NAALADL2: variants seen among roughly 807,000 people sequenced by gnomAD.
NAALADL2 encodes the protein N-acetylated alpha-linked acidic dipeptidase like 2.
In NAALADL2, 76 loss-of-function variants were observed where a neutral mutation model predicts 87.2. The ratio of observed to expected loss-of-function variants is 0.87; its 90% CI spans 0.72 to 1.05. NAALADL2 has a LOEUF of 1.05. Ranked by LOEUF, NAALADL2 falls within the 50% of genes least tolerant of loss-of-function variation. The pLI is 0.00. For missense variants in NAALADL2, 1,089 were observed against 945.8 expected, an observed-to-expected ratio of 1.15 and a Z score of -1.99; for synonymous variants, 354 against 331.0, an observed-to-expected ratio of 1.07 and a Z score of -0.75.
At chr3:174,816,420 G>C (rs1164354734) in intron 3 of NAALADL2, among the ~76,000 whole-genome samples, 1 of 150,560 alleles carries the variant, frequency 6.6e-6, no homozygotes. Context: ...GTGCGTGTGT[G>C]TGTGTGTGTG....
intron 4 of NAALADL2, among the ~76,000 whole-genome samples, chr3:175,318,228 G>A (rs566698192): frequency 6.6e-6 from 1 of 152,000 alleles, no homozygotes; most frequent in East Asian, 1.9e-4. Context: ...GTACTGATAA[G>A]CAAATGAAAA....
chr3:175,133,206 C>T (rs7622462), intron 2 of NAALADL2, among the ~76,000 whole-genome samples: 72,683 of 149,428 alleles, frequency 0.49, 17,691 homozygotes, highest in East Asian at 0.63. Flanking sequence ...GATGGGATGG[C>T]GGCCGGGCAG....
chr3:175,636,367 T>C (rs1192614689), intron 11 of NAALADL2, among the ~76,000 whole-genome samples: 2 of 152,156 alleles, frequency 1.3e-5, no homozygotes, highest in Non-Finnish European at 2.9e-5. Context: ...TCATCAGTTA[T>C]ACCTTTTACC....
chr3:175,425,781 G>C (rs1462472785), intron 5 of NAALADL2, among the ~76,000 whole-genome samples: 1 of 152,076 alleles, frequency 6.6e-6, no homozygotes, highest in Non-Finnish European at 1.5e-5. Context: ...GAAAGACCTA[G>C]GATCATCTGT....
At chr3:175,462,345 G>C (rs1723273507) in intron 6 of NAALADL2, among the ~76,000 whole-genome samples, 1 of 152,082 alleles carries the variant, frequency 6.6e-6, no homozygotes, top group African/African-American at 2.4e-5. Flanking sequence ...AGATAGATAA[G>C]GCACTCAGGC....
At chr3:174,997,058 A>ATTT (rs200338062) in intron 1 of NAALADL2, among the ~76,000 whole-genome samples, 8 of 125,974 alleles carry the variant, frequency 6.4e-5, no homozygotes, top group African/African-American at 9.5e-5. Context: ...ATATATATAT[A>ATTT]TTTTTTTTTT....
chr3:174,468,723 C>T, intron 1 of NAALADL2, among the ~76,000 whole-genome samples: 1 of 149,052 alleles, frequency 6.7e-6, no homozygotes, highest in Admixed American at 6.7e-5. Context: ...CCAGATTTAC[C>T]TCTTCCCTGA....
intron 1 of NAALADL2, among the ~76,000 whole-genome samples, chr3:174,921,846 ATCT>A (rs1439110665): frequency 7.1e-6 from 1 of 140,758 alleles, no homozygotes; most frequent in Non-Finnish European, 1.5e-5. Flanking sequence ...AAAGAAAAAA[ATCT>A]TCTTAGTATT....
At chr3:174,448,831 T>C (rs1715258791) in intron 1 of NAALADL2, among the ~76,000 whole-genome samples, 1 of 152,184 alleles carries the variant, frequency 6.6e-6, no homozygotes, top group East Asian at 1.9e-4. Context: ...TGGTGTCTTA[T>C]TGCCCAGATG....
intron 9 of NAALADL2, among the ~76,000 whole-genome samples, chr3:175,557,154 A>G (rs1715413094): frequency 6.6e-6 from 1 of 152,256 alleles, no homozygotes; most frequent in Non-Finnish European, 1.5e-5. Flanking sequence ...TCTGCTGTAA[A>G]TAACTCCTAT....
At chr3:175,442,987 A>T (rs1443525855) in intron 5 of NAALADL2, among the ~76,000 whole-genome samples, 3 of 152,162 alleles carry the variant, frequency 2.0e-5, no homozygotes, top group African/African-American at 4.8e-5. Context: ...CACTGAATAA[A>T]AATAGTACAT....
chr3:175,575,570 C>T (rs1718749246), intron 9 of NAALADL2, among the ~76,000 whole-genome samples: 1 of 152,094 alleles, frequency 6.6e-6, no homozygotes, highest in African/African-American at 2.4e-5. Flanking sequence ...CAGGGGTGAG[C>T]CACCACGCCC....
intron 1 of NAALADL2, among the ~76,000 whole-genome samples, chr3:174,515,232 G>A (rs943236588): frequency 1.3e-5 from 2 of 152,046 alleles, no homozygotes; most frequent in Admixed American, 6.6e-5. Flanking sequence ...TTTCTATTGG[G>A]CTCATACTTT....
At chr3:174,451,540 TA>T (rs1375596752) in intron 1 of NAALADL2, among the ~76,000 whole-genome samples, 2 of 152,112 alleles carry the variant, frequency 1.3e-5, no homozygotes, top group Non-Finnish European at 2.9e-5. Context: ...ATTTTTATAA[TA>T]AAAAACACCC....
chr3:175,491,143 T>C (rs1237942658), intron 9 of NAALADL2, among the ~76,000 whole-genome samples: 5 of 144,262 alleles, frequency 3.5e-5, no homozygotes, highest in Non-Finnish European at 7.7e-5. Context: ...TTCTTTCTTT[T>C]TTTTTTTCTG....
At chr3:175,151,342 A>G (rs772114517) in intron 2 of NAALADL2, among the ~76,000 whole-genome samples, 1 of 152,176 alleles carries the variant, frequency 6.6e-6, no homozygotes, top group African/African-American at 2.4e-5. Context: ...GGCCTACCTT[A>G]GGCACTCGTG....
At chr3:175,465,177 G>T (rs1312515741) in intron 7 of NAALADL2, among the ~76,000 whole-genome samples, 2 of 151,490 alleles carry the variant, frequency 1.3e-5, no homozygotes. Context: ...GCGTGAACCC[G>T]GGAGGCGGAG....
intron 2 of NAALADL2, among the ~76,000 whole-genome samples, chr3:174,631,458 C>G (rs1722103986): frequency 6.6e-6 from 1 of 152,168 alleles, no homozygotes; most frequent in Admixed American, 6.5e-5. Flanking sequence ...TCTGCAATGA[C>G]AAAATGCATT....
intron 2 of NAALADL2, among the ~76,000 whole-genome samples, chr3:175,221,148 G>C (rs576162612): frequency 3.3e-5 from 5 of 149,454 alleles, no homozygotes; most frequent in African/African-American, 1.2e-4. Flanking sequence ...GCAGTGAGCC[G>C]AGATTGTGCC....
Sources: allele counts gnomAD v4.1 joint callset (sites outside exome capture counted in the v4.1 genomes callset), GRCh38; gene constraint gnomAD v4.1.1; transcripts MANE v1.5; gene names NCBI Gene and HGNC (gene_info 2026-07-23, HGNC 2026-07-21).